The following RBFOX1 variants were observed in gnomAD, a reference collection of about 807,000 sequenced individuals.
The protein encoded by RBFOX1 is RNA binding fox-1 homolog 1.
Under a neutral mutation model 57.7 loss-of-function variants are expected in RBFOX1, and 8 were observed. The ratio of observed to expected loss-of-function variants is 0.14; its 90% CI spans 0.08 to 0.25. RBFOX1 has a LOEUF of 0.25. Among genes scored for constraint, RBFOX1 ranks in the 10% least tolerant of loss-of-function variants. The pLI is 1.00. For synonymous variants in RBFOX1, 326 were observed against 222.4 expected (o/e 1.47, Z -4.15); for missense variants, 611 against 548.5 (o/e 1.11, Z -1.14).
At chr16:7,472,859 A>G (rs578046786) in intron 4 of RBFOX1, among the ~76,000 whole-genome samples, 31 of 152,322 alleles carry the variant, frequency 2.0e-4, no homozygotes, top group African/African-American at 5.8e-4. Context: ...AATTCATGGA[A>G]ATGTGGGATT....
chr16:6,041,543 G>A lies in RBFOX1; in HGVS notation c.-127+21551G>A, dbSNP rs75033569. 3.4e-3 allele frequency among the ~76,000 whole-genome samples: 513 copies of A among 151,674 alleles called. 1 individual carries two copies. The highest frequency in any genetic ancestry group is 5.4e-3 in the Non-Finnish European group (370 of 67,946). ...CTCATATTTATCATCCACATTTTAC[G>A]GATGAGGAAACTCCTCATCCGTATG... On this transcript the variant is annotated intron_variant, in intron 1 of 15. Coordinates refer to ENST00000550418, the MANE Select transcript of RBFOX1 (RefSeq NM_018723.4).
Position 6,811,666 on chromosome 16 carries a change from G to C in RBFOX1, c.-16+157016G>C, listed in dbSNP as rs373093091. Among the ~76,000 whole-genome samples the C allele has an allele frequency of 4.6e-5, 7 of 152,286 alleles. No homozygotes were observed. The South Asian group carries it at 1.2e-3, about 27-fold the overall frequency. On this transcript the variant is annotated intron_variant, in intron 3 of 15. Coordinates refer to ENST00000550418, the MANE Select transcript of RBFOX1 (RefSeq NM_018723.4). Reference sequence around the variant, plus strand: ...GCACTTTGGGAGGCTAAGGCGGGTAGATCATCTGAAGTCAGGAGTTTAAGA... The same window carrying C: ...GCACTTTGGGAGGCTAAGGCGGGTACATCATCTGAAGTCAGGAGTTTAAGA...
intron 3 of RBFOX1, among the ~76,000 whole-genome samples, chr16:6,818,283 C>G (rs372739598): frequency 6.6e-6 from 1 of 151,972 alleles, no homozygotes; most frequent in Non-Finnish European, 1.5e-5. Flanking sequence ...CTGGATTCAC[C>G]TGTGTGTGCG....
chr16:6,899,538 C>T (rs559743196), intron 3 of RBFOX1, among the ~76,000 whole-genome samples: 1 of 152,210 alleles, frequency 6.6e-6, no homozygotes, highest in African/African-American at 2.4e-5. Flanking sequence ...TATTTAGAGA[C>T]ACCTGGATGT....
downstream of RBFOX1, among the ~76,000 whole-genome samples, chr16:5,600,988 C>G (rs116229434): frequency 0.017 from 2,555 of 152,260 alleles, 71 homozygotes; most frequent in African/African-American, 0.056. Flanking sequence ...CTCTGACCCA[C>G]CTGCATCAGT....
chr16:7,160,191 G>C (rs1189478038), intron 4 of RBFOX1, among the ~76,000 whole-genome samples: 1 of 150,532 alleles, frequency 6.6e-6, no homozygotes, highest in African/African-American at 2.4e-5. Context: ...TATGACTTTT[G>C]ACTTTTTTTT....
At chr16:6,161,905 C>G (rs17139480) in intron 1 of RBFOX1, among the ~76,000 whole-genome samples, 13,309 of 152,290 alleles carry the variant, frequency 0.087, 973 homozygotes, top group African/African-American at 0.2. Context: ...AGAGTACATG[C>G]TTTCCAGCCA....
chr16:6,495,593 C>A (rs2095749045), intron 2 of RBFOX1, among the ~76,000 whole-genome samples: 1 of 152,202 alleles, frequency 6.6e-6, no homozygotes, highest in African/African-American at 2.4e-5. Flanking sequence ...AGCTAGCTGA[C>A]TTCATCAGCC....
intron 4 of RBFOX1, among the ~76,000 whole-genome samples, chr16:7,192,552 T>C (rs953540689): frequency 1.3e-5 from 2 of 152,048 alleles, no homozygotes; most frequent in African/African-American, 4.8e-5. Context: ...CAAAGACAAA[T>C]AACAGCAAAA....
At chr16:7,546,780 G>A (rs1315645814) in intron 5 of RBFOX1, among the ~76,000 whole-genome samples, 1 of 152,050 alleles carries the variant, frequency 6.6e-6, no homozygotes, top group Non-Finnish European at 1.5e-5. Flanking sequence ...AGTTTATTTA[G>A]CCAATCCCTT....
intron 4 of RBFOX1, among the ~76,000 whole-genome samples, chr16:7,197,561 A>G (rs969561130): frequency 3.3e-5 from 5 of 152,184 alleles, no homozygotes; most frequent in African/African-American, 1.2e-4. Flanking sequence ...TTACCAAGCA[A>G]TTCCACTTGG....
At chr16:5,399,334 G>C (rs2066649965) in intron 1 of RBFOX1, among the ~76,000 whole-genome samples, 2 of 152,160 alleles carry the variant, frequency 1.3e-5, no homozygotes, top group African/African-American at 2.4e-5. Context: ...GCCAAAAGTA[G>C]ATATTGGAGT....
chr16:7,109,251 A>C (rs77481957), intron 4 of RBFOX1, among the ~76,000 whole-genome samples: 1 of 152,176 alleles, frequency 6.6e-6, no homozygotes, highest in African/African-American at 2.4e-5. Context: ...GGGACCTCAT[A>C]TATTATTGGA....
intron 8 of RBFOX1, among the ~76,000 whole-genome samples, chr16:7,596,880 T>A (rs140293677): frequency 1.4e-4 from 21 of 152,320 alleles, no homozygotes; most frequent in Non-Finnish European, 2.5e-4. Flanking sequence ...GAATGCTAGA[T>A]GTTGCTTTCC....
chr16:5,784,144 G>T (rs569778292), intron 3 of RBFOX1, among the ~76,000 whole-genome samples: 3 of 152,186 alleles, frequency 2.0e-5, no homozygotes, highest in African/African-American at 7.2e-5. Flanking sequence ...GCAGGCAGCC[G>T]GGCGCGGTGG....
At chr16:6,716,343 C>A (rs925752629) in intron 3 of RBFOX1, among the ~76,000 whole-genome samples, 1 of 152,212 alleles carries the variant, frequency 6.6e-6, no homozygotes, top group Non-Finnish European at 1.5e-5. Context: ...TTCCCTCTTG[C>A]TCCCTCATCT....
intron 1 of RBFOX1, among the ~76,000 whole-genome samples, chr16:5,410,064 A>T (rs9930605): frequency 0.62 from 92,448 of 148,432 alleles, 29,135 homozygotes; most frequent in African/African-American, 0.68. Flanking sequence ...AAAAAAAAAA[A>T]AATAATAATC....
At chr16:7,710,368 T>C in intron 15 of RBFOX1, 1 of 1,347,896 alleles carries the variant, frequency 7.4e-7, no homozygotes. Flanking sequence ...ATTGTCCAGC[T>C]TATAATAGAG....
At chr16:7,004,946 C>G (rs1026111335) in intron 3 of RBFOX1, among the ~76,000 whole-genome samples, 8 of 152,142 alleles carry the variant, frequency 5.3e-5, no homozygotes, top group African/African-American at 1.7e-4. Context: ...GAGTTCGAGA[C>G]CAGCTTGGCC....
Sources: allele counts gnomAD v4.1 joint callset (sites outside exome capture counted in the v4.1 genomes callset), GRCh38; gene constraint gnomAD v4.1.1; transcripts MANE v1.5; gene names NCBI Gene and HGNC (gene_info 2026-07-23, HGNC 2026-07-21).